The following PDE4D variants were observed in gnomAD, a reference collection of about 807,000 sequenced individuals.
PDE4D encodes the protein phosphodiesterase 4D.
Under a neutral mutation model 87.4 loss-of-function variants are expected in PDE4D, and 24 were observed. The ratio of observed to expected loss-of-function variants is 0.27; its 90% CI spans 0.20 to 0.39. The LOEUF (loss-of-function observed/expected upper bound fraction) is 0.39, where lower values mean the gene tolerates loss of function less well. Among genes scored for constraint, PDE4D ranks in the 10% least tolerant of loss-of-function variants. PDE4D has a pLI of 1.00. For missense variants in PDE4D, 714 were observed against 1,041.0 expected (o/e 0.69, Z 4.32); for synonymous variants, 384 against 383.2 (o/e 1.00, Z -0.02).
At chr5:59,969,079 A>C (rs569442555) in intron 3 of PDE4D, among the ~76,000 whole-genome samples, 87 of 151,668 alleles carry the variant, frequency 5.7e-4, no homozygotes, top group African/African-American at 2.1e-3. Context: ...CTATTTGTAA[A>C]CTATTTTAAT....
At chr5:59,229,423 G>C (rs1029613439) in intron 1 of PDE4D, among the ~76,000 whole-genome samples, 2 of 152,140 alleles carry the variant, frequency 1.3e-5, no homozygotes, top group Admixed American at 1.3e-4. Flanking sequence ...GAAATAATCT[G>C]GAACATCTCT....
intron 1 of PDE4D, among the ~76,000 whole-genome samples, chr5:59,769,115 T>C (rs1397809349): frequency 2.0e-5 from 3 of 152,082 alleles, no homozygotes; most frequent in African/African-American, 7.2e-5. Flanking sequence ...AAGCACTAGC[T>C]ACACAAGGAG....
At chr5:60,410,178 C>T (rs575289773) in intron 1 of PDE4D, among the ~76,000 whole-genome samples, 25 of 152,280 alleles carry the variant, frequency 1.6e-4, no homozygotes, top group African/African-American at 6.0e-4. Context: ...AGAGCTAGAA[C>T]ACAAGCCTGG....
chr5:60,337,786 T>G (rs2149888773), intron 1 of PDE4D, among the ~76,000 whole-genome samples: 1 of 152,022 alleles, frequency 6.6e-6, no homozygotes, highest in East Asian at 1.9e-4. Flanking sequence ...CAACACCACA[T>G]CTCTCCCTGC....
At chr5:60,341,130 G>T (rs201743041) in intron 1 of PDE4D, among the ~76,000 whole-genome samples, 4 of 151,770 alleles carry the variant, frequency 2.6e-5, no homozygotes, top group African/African-American at 9.7e-5. Context: ...AAAAATGTTT[G>T]GTTTTTTTTT....
intron 1 of PDE4D, among the ~76,000 whole-genome samples, chr5:59,463,506 C>T (rs889406085): frequency 2.0e-5 from 3 of 152,060 alleles, no homozygotes; most frequent in Admixed American, 6.5e-5. Context: ...GTAACAGTCC[C>T]CGCACTGAAT....
At chr5:59,045,271 C>T (rs1022177244) in intron 5 of PDE4D, among the ~76,000 whole-genome samples, 2 of 152,092 alleles carry the variant, frequency 1.3e-5, no homozygotes, top group Non-Finnish European at 2.9e-5. Context: ...ATGTCTGTGT[C>T]GGCCAGGCGT....
At position 59,185,358 on chromosome 5, in the gene PDE4D, A is replaced by G. The variant is rs181839385; in HGVS notation, c.685-96T>C. ...TAAGAGAAAACTTGATATTGCTTGC[A>G]ACTTAGTTTCATATACCACTAAAGA... On this transcript the variant is annotated intron_variant, in intron 3 of 14. Coordinates refer to ENST00000340635, the MANE Select transcript of PDE4D (RefSeq NM_001104631.2). The G allele has an allele frequency of 7.2e-6, 6 of 830,240 alleles. No individual in the cohort carries two copies. In the East Asian group the frequency reaches 1.5e-4, roughly 21 times the overall value. The allele number at this position is 830,240 out of a possible 1,614,324, so 51.4% of individuals were successfully genotyped here. A position where few individuals can be genotyped will look rare whatever the true frequency, so the allele number is the denominator to read the frequency against.
At chr5:59,921,374 C>T (rs1400531846) in intron 3 of PDE4D, among the ~76,000 whole-genome samples, 1 of 151,482 alleles carries the variant, frequency 6.6e-6, no homozygotes, top group East Asian at 1.9e-4. Flanking sequence ...TATAATAAGG[C>T]CTAACATTTG....
chr5:59,632,864 C>A (rs1831748090), intron 1 of PDE4D, among the ~76,000 whole-genome samples: 1 of 152,096 alleles, frequency 6.6e-6, no homozygotes, highest in Non-Finnish European at 1.5e-5. Flanking sequence ...AGCAAGGGAA[C>A]AAAACTGGAC....
At chr5:60,339,542 C>G (rs1187837803) in intron 1 of PDE4D, among the ~76,000 whole-genome samples, 1 of 152,184 alleles carries the variant, frequency 6.6e-6, no homozygotes, top group African/African-American at 2.4e-5. Flanking sequence ...CGGTTGACTG[C>G]AGGTAACCGA....
chr5:59,837,530 G>A (rs917003910), intron 1 of PDE4D, among the ~76,000 whole-genome samples: 1 of 152,020 alleles, frequency 6.6e-6, no homozygotes, highest in African/African-American at 2.4e-5. Context: ...TGCTGGGAAA[G>A]TGTTTATTAT....
intron 1 of PDE4D, among the ~76,000 whole-genome samples, chr5:59,730,279 T>C (rs1008613475): frequency 6.6e-6 from 1 of 152,114 alleles, no homozygotes; most frequent in Non-Finnish European, 1.5e-5. Context: ...GTGCAAAGCT[T>C]CGTAGATACT....
intron 2 of PDE4D, among the ~76,000 whole-genome samples, chr5:59,989,222 T>G (rs1037208902): frequency 6.6e-6 from 1 of 151,082 alleles, no homozygotes. Flanking sequence ...TAAACAAACC[T>G]AGATGGTACA....
At chr5:59,073,373 C>G (rs1765160099) in intron 5 of PDE4D, among the ~76,000 whole-genome samples, 2 of 151,958 alleles carry the variant, frequency 1.3e-5, no homozygotes, top group Admixed American at 6.6e-5. Context: ...TTTTACCAGG[C>G]TGCAAAGGTG....
chr5:59,572,799 C>T (rs1822105745), intron 1 of PDE4D, among the ~76,000 whole-genome samples: 1 of 152,032 alleles, frequency 6.6e-6, no homozygotes, highest in Non-Finnish European at 1.5e-5. Flanking sequence ...TAATTATAAA[C>T]TAACAATAGT....
chr5:59,217,934 A>C, intron 1 of PDE4D: 2 of 437,444 alleles, frequency 4.6e-6, no homozygotes, highest in South Asian at 3.3e-5. Flanking sequence ...ATAGGCATTT[A>C]TTAAGCACTT....
chr5:59,272,055 T>C (rs1763928400), intron 1 of PDE4D, among the ~76,000 whole-genome samples: 1 of 151,984 alleles, frequency 6.6e-6, no homozygotes, highest in Non-Finnish European at 1.5e-5. Context: ...TAAGTACTAT[T>C]ACATATACAA....
intron 1 of PDE4D, among the ~76,000 whole-genome samples, chr5:59,347,529 C>T (rs766886999): frequency 1.3e-5 from 2 of 152,140 alleles, no homozygotes; most frequent in African/African-American, 4.8e-5. Flanking sequence ...TAGGCAGACA[C>T]AGACACATAT....
Sources: allele counts gnomAD v4.1 joint callset (sites outside exome capture counted in the v4.1 genomes callset), GRCh38; gene constraint gnomAD v4.1.1; transcripts MANE v1.5; gene names NCBI Gene and HGNC (gene_info 2026-07-23, HGNC 2026-07-21).